OR56A3: variants seen among roughly 807,000 people sequenced by gnomAD.
The protein encoded by OR56A3 is olfactory receptor family 56 subfamily A member 3.
OR56A3 carries 23 observed loss-of-function variants against 17.5 expected under a neutral mutation model. The ratio of observed to expected loss-of-function variants is 1.32; its 90% CI spans 0.95 to 1.87. The LOEUF (loss-of-function observed/expected upper bound fraction) is 1.87. OR56A3 is among the 40% of genes most tolerant of loss of function. The probability of loss-of-function intolerance (pLI) is 0.00; values close to 1 mark genes in which losing one functional copy is unlikely to be tolerated. For synonymous variants in OR56A3, 175 were observed against 150.6 expected, an observed-to-expected ratio of 1.16 and a Z score of -1.19; for missense variants, 366 against 380.1, an observed-to-expected ratio of 0.96 and a Z score of 0.31.
downstream of OR56A3, among the ~76,000 whole-genome samples, chr11:5,954,905 A>C (rs1847925006): frequency 6.6e-6 from 1 of 152,180 alleles, no homozygotes; most frequent in South Asian, 2.1e-4. Flanking sequence ...AGAAGTTGGA[A>C]TTTGTAAAGC....
At chr11:5,987,409 T>C in the OR56A3 span, among the ~76,000 whole-genome samples, 1 of 152,198 alleles carries the variant, frequency 6.6e-6, no homozygotes, top group Non-Finnish European at 1.5e-5. Context: ...ATTCTGTGCA[T>C]TATCTCTTAA....
At chr11:6,005,756 AG>A in the OR56A3 span, among the ~76,000 whole-genome samples, 1 of 152,184 alleles carries the variant, frequency 6.6e-6, no homozygotes, top group African/African-American at 2.4e-5. Flanking sequence ...ACATGGTGAA[AG>A]GGGCTAGCTA....
chr11:5,947,513 A>T lies in OR56A3; in HGVS notation c.167A>T (p.Glu56Val). The stretch of plus-strand genomic sequence containing the variant: ...ACCCTCCTGATGACCATCTGGCTGG[A>T]GGCCTCTCTGCACCAGCCCCTGTAC... ...NTTLLMTIWLEASLHQPLYYL... is the reference protein window; with the variant it reads ...NTTLLMTIWLVASLHQPLYYL... The change falls in exon 3 of 3, where the codon GAG (glutamate) becomes GTG (valine). Residue 56 changes from glutamate to valine, a missense_variant. By Grantham distance (121) the Glu-to-Val change is moderately radical (BLOSUM62 -2). Coordinates refer to ENST00000641160, the MANE Select transcript of OR56A3 (RefSeq NM_001003443.3). The T allele has an allele frequency of 1.2e-6, 2 of 1,613,844 alleles. No homozygotes were observed. Among genetic ancestry groups the T allele is most frequent in the Non-Finnish European group, 1.7e-6 (2 of 1,179,862 alleles).
chr11:5,979,827 C>T, the OR56A3 span, among the ~76,000 whole-genome samples: 1 of 152,000 alleles, frequency 6.6e-6, no homozygotes, highest in Admixed American at 6.6e-5. Context: ...GCATTTAGCA[C>T]TATATGCCTT....
At chr11:5,993,405 C>G in the OR56A3 span, among the ~76,000 whole-genome samples, 1 of 152,192 alleles carries the variant, frequency 6.6e-6, no homozygotes, top group Non-Finnish European at 1.5e-5. Context: ...AAAGATGATA[C>G]TCTTTCTTTA....
rs761724525 is a variant in OR56A3 at position 5,947,889 on chromosome 11, C to A, written c.543C>A (p.Cys181Ter). 7.4e-6 allele frequency: 12 copies of A among 1,614,100 alleles called. No individual in the cohort carries two copies. The highest frequency in any genetic ancestry group is 1.0e-5 in the Non-Finnish European group (12 of 1,180,040). The change falls in exon 3 of 3, where the codon TGC (cysteine) becomes TGA (stop). Residue 181 changes from cysteine (C) to a stop codon, truncating the protein, a stop_gained. Coordinates refer to ENST00000641160, the MANE Select transcript of OR56A3 (RefSeq NM_001003443.3). LOFTEE classifies it high-confidence loss of function. ...GTGGAAGAAATGTCATTGAGAACTG[C>A]ATCTGTGCCAATATGTCTGTTTCCA... is the stretch of plus-strand genomic sequence containing the variant. ...RYCGRNVIEN[C>*]ICANMSVSRL...
intron 1 of OR56A3, among the ~76,000 whole-genome samples, chr11:5,944,170 C>G (rs1847855282): frequency 6.6e-6 from 1 of 152,178 alleles, no homozygotes; most frequent in African/African-American, 2.4e-5. Context: ...CAGTGAGCCA[C>G]TCTATCAAGG....
At chr11:5,961,014 C>T in the OR56A3 span, among the ~76,000 whole-genome samples, 2 of 151,798 alleles carry the variant, frequency 1.3e-5, no homozygotes, top group African/African-American at 4.8e-5. Flanking sequence ...AAGTGAGGAG[C>T]CCCTCCGCCC....
At chr11:5,997,979 T>C in the OR56A3 span, among the ~76,000 whole-genome samples, 3 of 152,092 alleles carry the variant, frequency 2.0e-5, no homozygotes, top group Non-Finnish European at 4.4e-5. Context: ...TTTGTCCAAA[T>C]GTGTGTGACA....
the OR56A3 span, among the ~76,000 whole-genome samples, chr11:5,992,576 T>G: frequency 6.6e-6 from 1 of 152,180 alleles, no homozygotes; most frequent in Non-Finnish European, 1.5e-5. Flanking sequence ...GCTGCCTGCC[T>G]CAGGTGAGTT....
chr11:5,972,394 T>G, the OR56A3 span, among the ~76,000 whole-genome samples: 1 of 152,188 alleles, frequency 6.6e-6, no homozygotes, highest in Admixed American at 6.5e-5. Flanking sequence ...GAAAGTCTCC[T>G]GTTGAGTCCT....
the OR56A3 span, chr11:6,002,289 C>A: frequency 6.2e-7 from 1 of 1,614,186 alleles, no homozygotes; most frequent in South Asian, 1.1e-5. Flanking sequence ...GGCCACAGCA[C>A]CCTCGGCCTT....
At chr11:5,946,032 A>C (rs564569859) in intron 2 of OR56A3, among the ~76,000 whole-genome samples, 4 of 152,212 alleles carry the variant, frequency 2.6e-5, no homozygotes, top group Non-Finnish European at 5.9e-5. Flanking sequence ...ATGCACAATA[A>C]AACTGCATGA....
the OR56A3 span, chr11:5,994,520 T>A: frequency 3.3e-6 from 3 of 909,204 alleles, no homozygotes; most frequent in Non-Finnish European, 5.4e-6. Context: ...CTTTTCATGG[T>A]TCTTCATGAA....
At chr11:6,008,292 C>T in the OR56A3 span, among the ~76,000 whole-genome samples, 4 of 152,058 alleles carry the variant, frequency 2.6e-5, no homozygotes, top group East Asian at 1.9e-4. Context: ...TAACTCTGGC[C>T]GCATCTCTAT....
the OR56A3 span, among the ~76,000 whole-genome samples, chr11:5,989,182 C>T: frequency 6.6e-6 from 1 of 152,204 alleles, no homozygotes; most frequent in Non-Finnish European, 1.5e-5. Context: ...TACAAAAATT[C>T]ACCTCTCAGT....
At chr11:5,995,111 C>A in the OR56A3 span, 1 of 587,432 alleles carries the variant, frequency 1.7e-6, no homozygotes, top group Non-Finnish European at 3.1e-6. Context: ...TGGACGCAGC[C>A]CAGGGACCGG....
chr11:5,985,525 T>C, the OR56A3 span, among the ~76,000 whole-genome samples: 12 of 152,280 alleles, frequency 7.9e-5, no homozygotes, highest in African/African-American at 2.6e-4. Context: ...GATCTGGGGA[T>C]CCCAGCACTA....
At chr11:5,999,017 T>C in the OR56A3 span, among the ~76,000 whole-genome samples, 2 of 152,204 alleles carry the variant, frequency 1.3e-5, no homozygotes, top group Admixed American at 6.5e-5. Flanking sequence ...TCAATGGCTG[T>C]CCCTACGTGT....
Sources: gnomAD v4.1 joint callset for allele counts (sites outside exome capture counted in the v4.1 genomes callset) on GRCh38, gnomAD v4.1.1 for gene constraint, MANE v1.5 for transcripts, NCBI Gene and HGNC (gene_info 2026-07-23, HGNC 2026-07-21) for gene names.